The following RAB31 variants were observed in gnomAD, a reference collection of about 807,000 sequenced individuals.
The protein encoded by RAB31 is ras-related protein Rab-31.
In RAB31, 21 loss-of-function variants were observed where a neutral mutation model predicts 25.6. That is an observed-to-expected ratio of 0.82 (90% CI 0.58 to 1.18). The LOEUF (loss-of-function observed/expected upper bound fraction) is 1.18. Among genes scored for constraint, RAB31 ranks in the 50% most tolerant of loss-of-function variants. RAB31 has a pLI of 0.00. For synonymous variants in RAB31, 87 were observed against 84.0 expected (o/e 1.04, Z -0.20); for missense variants, 196 against 250.1 (o/e 0.78, Z 1.46).
chr18:9,739,763 C>G (rs933220324), intron 1 of RAB31, among the ~76,000 whole-genome samples: 1 of 152,170 alleles, frequency 6.6e-6, no homozygotes, highest in Non-Finnish European at 1.5e-5. Flanking sequence ...ACATTGTATA[C>G]TCTCCTGTCC....
chr18:9,853,147 T>TTTCAATTA (rs1452151211), intron 6 of RAB31, among the ~76,000 whole-genome samples: 7 of 152,362 alleles, frequency 4.6e-5, no homozygotes, highest in Middle Eastern at 3.4e-3. Flanking sequence ...GATATTTGTT[T>TTTCAATTA]TTCAATTATT....
chr18:9,853,691 T>C (rs2068800450), intron 6 of RAB31, among the ~76,000 whole-genome samples: 1 of 152,216 alleles, frequency 6.6e-6, no homozygotes, highest in Non-Finnish European at 1.5e-5. Flanking sequence ...CTATCCTTAA[T>C]AGTAATGTCT....
rs537322624 is a variant in RAB31 at position 9,754,325 on chromosome 18, G to C, written c.40-20953G>C. On this transcript the variant is annotated intron_variant, in intron 1 of 6. Coordinates refer to ENST00000578921, the MANE Select transcript of RAB31 (RefSeq NM_006868.4). ...GATGGAGTCTCACTCTGTCACCCAG[G>C]CTGGAATGCAATGGCACGATCTTGG... Among the ~76,000 whole-genome samples the C allele has an allele frequency of 2.0e-5, 3 of 152,108 alleles. No individual in the cohort carries two copies. The East Asian group carries it at 5.8e-4, about 29-fold the overall frequency.
intron 2 of RAB31, among the ~76,000 whole-genome samples, chr18:9,775,742 T>C (rs1372117998): frequency 6.6e-6 from 1 of 152,214 alleles, no homozygotes; most frequent in Non-Finnish European, 1.5e-5. Flanking sequence ...ACCTCAGCAC[T>C]GTCTGCAAAG....
At chr18:9,823,107 C>T (rs1373862189) in intron 5 of RAB31, among the ~76,000 whole-genome samples, 1 of 152,188 alleles carries the variant, frequency 6.6e-6, no homozygotes, top group Non-Finnish European at 1.5e-5. Flanking sequence ...CTGATACACA[C>T]AGCTCGAAAT....
intron 6 of RAB31, among the ~76,000 whole-genome samples, chr18:9,848,891 T>C (rs1015663219): frequency 6.6e-6 from 1 of 152,238 alleles, no homozygotes; most frequent in East Asian, 1.9e-4. Flanking sequence ...GCAAATACAG[T>C]GTCTAACTGG....
At chr18:9,748,796 C>T (rs2068219092) in intron 1 of RAB31, among the ~76,000 whole-genome samples, 2 of 151,334 alleles carry the variant, frequency 1.3e-5, no homozygotes, top group African/African-American at 4.9e-5. Context: ...GAGGCTGAGG[C>T]AAGAGAATCA....
intron 1 of RAB31, among the ~76,000 whole-genome samples, chr18:9,725,603 G>A (rs1360599477): frequency 6.6e-6 from 1 of 152,200 alleles, no homozygotes; most frequent in Admixed American, 6.5e-5. Context: ...TTCAAAACTG[G>A]CATGTAGTAG....
chr18:9,850,464 A>G (rs1024555858), intron 6 of RAB31, among the ~76,000 whole-genome samples: 1 of 152,084 alleles, frequency 6.6e-6, no homozygotes, highest in Non-Finnish European at 1.5e-5. Context: ...ATATCTCTTT[A>G]AAAGTATTTT....
intron 3 of RAB31, among the ~76,000 whole-genome samples, chr18:9,806,108 C>T (rs1348148680): frequency 3.3e-5 from 5 of 150,364 alleles, no homozygotes; most frequent in Admixed American, 6.6e-5. Context: ...ACCCGGGAGG[C>T]GGAGCTTGCA....
chr18:9,768,399 G>A (rs960246063), intron 1 of RAB31, among the ~76,000 whole-genome samples: 1 of 152,184 alleles, frequency 6.6e-6, no homozygotes, highest in African/African-American at 2.4e-5. Flanking sequence ...CATTCTAACT[G>A]GTGTGAGATG....
chr18:9,806,185 A>C (rs1464789520), intron 3 of RAB31, among the ~76,000 whole-genome samples: 2 of 137,138 alleles, frequency 1.5e-5, no homozygotes, highest in African/African-American at 5.5e-5. Context: ...TCAAAAAAAA[A>C]AAAGAAGAGC....
At chr18:9,846,538 G>A (rs2052108) in intron 6 of RAB31, among the ~76,000 whole-genome samples, 9,217 of 152,216 alleles carry the variant, frequency 0.061, 585 homozygotes, top group African/African-American at 0.15. Context: ...TGGCCCTGAA[G>A]TTCCTGGAAT....
chr18:9,818,545 T>C (rs2068610592), intron 5 of RAB31, among the ~76,000 whole-genome samples: 1 of 152,228 alleles, frequency 6.6e-6, no homozygotes, highest in Admixed American at 6.5e-5. Flanking sequence ...CTGAATAATA[T>C]TTCATTGTAT....
At chr18:9,802,279 T>C (rs1443283974) in intron 3 of RAB31, among the ~76,000 whole-genome samples, 1 of 152,234 alleles carries the variant, frequency 6.6e-6, no homozygotes, top group Non-Finnish European at 1.5e-5. Context: ...ACCTGCTCCT[T>C]AAACCTGTAA....
intron 1 of RAB31, among the ~76,000 whole-genome samples, chr18:9,728,848 A>T (rs2068108001): frequency 6.6e-6 from 1 of 152,150 alleles, no homozygotes; most frequent in Non-Finnish European, 1.5e-5. Flanking sequence ...CATGAATATA[A>T]TAAATTTTTT....
At position 9,754,015 on chromosome 18, in the gene RAB31, A is replaced by C. The variant is rs187461837; in HGVS notation, c.40-21263A>C. On this transcript the variant is annotated intron_variant, in intron 1 of 6. Transcript: ENST00000578921. ...ACTATCCGGTGCCAAGTGCATCACC[A>C]CTGGGCATAAGTAGTCCCACCCAAG... 3.2e-3 allele frequency among the ~76,000 whole-genome samples: 485 copies of C among 152,310 alleles called. 6 individuals are homozygous for C. Among genetic ancestry groups the C allele is most frequent in the African/African-American group, 0.011 (458 of 41,560 alleles).
chr18:9,845,619 T>G lies in RAB31; in HGVS notation c.418T>G (p.Ser140Ala), dbSNP rs762951244. The part of the protein sequence containing the change: ...PLKDAKEYAE[S>A]IGAIVVETSA... ...GAAGGATGCTAAGGAATACGCTGAATCCATAGGTGCCATCGTGGTTGAGAC... is the reference window on the plus strand; with the variant it reads ...GAAGGATGCTAAGGAATACGCTGAAGCCATAGGTGCCATCGTGGTTGAGAC... The change falls in exon 6 of 7, where the codon TCC (serine) becomes GCC (alanine). Residue 140 changes from serine to alanine, a missense_variant. Ser to Ala is a moderately conservative substitution (Grantham distance 99). Transcript: ENST00000578921. 1.9e-6 allele frequency: 3 copies of G among 1,568,464 alleles called. No homozygotes were observed. Among genetic ancestry groups the G allele is most frequent in the Non-Finnish European group, 2.6e-6 (3 of 1,156,232 alleles).
At chr18:9,724,141 G>A (rs1018351132) in intron 1 of RAB31, among the ~76,000 whole-genome samples, 2 of 149,434 alleles carry the variant, frequency 1.3e-5, no homozygotes, top group Non-Finnish European at 3.0e-5. Context: ...CGTAGTGGCG[G>A]GCGCCTGTAG....
Sources: gnomAD v4.1 joint callset for allele counts (sites outside exome capture counted in the v4.1 genomes callset) on GRCh38, gnomAD v4.1.1 for gene constraint, MANE v1.5 for transcripts, NCBI Gene and HGNC (gene_info 2026-07-23, HGNC 2026-07-21) for gene names.